The following PEX14 variants were observed in gnomAD, a reference collection of about 807,000 sequenced individuals.
PEX14 encodes the protein peroxisomal membrane protein PEX14.
In PEX14, 15 loss-of-function variants were observed where a neutral mutation model predicts 49.5. The observed-to-expected ratio is 0.30, with a 90% CI of 0.20 to 0.47. The LOEUF (loss-of-function observed/expected upper bound fraction) is 0.47. PEX14 is among the 20% of genes least tolerant of loss of function. The pLI, the probability that PEX14 is intolerant of heterozygous loss-of-function variation, is 1.00. For synonymous variants in PEX14, 210 were observed against 212.7 expected (o/e 0.99, Z 0.11); for missense variants, 398 against 494.8 (o/e 0.80, Z 1.86).
intron 4 of PEX14, among the ~76,000 whole-genome samples, chr1:10,601,533 C>T (rs1207072349): frequency 6.6e-6 from 1 of 152,148 alleles, no homozygotes; most frequent in African/African-American, 2.4e-5. Flanking sequence ...GAGATCTCCT[C>T]CTTTGGCTGT....
At chr1:10,566,582 G>T (rs903946598) in intron 3 of PEX14, among the ~76,000 whole-genome samples, 11 of 151,894 alleles carry the variant, frequency 7.2e-5, no homozygotes, top group African/African-American at 2.7e-4. Flanking sequence ...TCCGCCTCTT[G>T]AGTTCAAGGG....
rs1005659938 is a variant in PEX14 at position 10,512,497 on chromosome 1, A to G, written c.84+17176A>G. Among the ~76,000 whole-genome samples the G allele has an allele frequency of 2.6e-5, 4 of 152,218 alleles. No individual in the cohort carries two copies. Among genetic ancestry groups the G allele is most frequent in the Non-Finnish European group, 4.4e-5 (3 of 68,038 alleles). ...CCCTGATGTTCGCCTGCTTTGAAGC[A>G]TAGCAGAATCCCAGCATTAACTTCA... On this transcript the variant is annotated intron_variant, in intron 2 of 8. Transcript: ENST00000356607. The surrounding 1 kb of genome is among the most constrained non-coding windows in gnomAD (Gnocchi z 4.6).
intron 3 of PEX14, among the ~76,000 whole-genome samples, chr1:10,552,101 A>T (rs10864462): frequency 0.11 from 16,276 of 152,096 alleles, 950 homozygotes; most frequent in Non-Finnish European, 0.12. Context: ...TCAAAAAAAA[A>T]ATAAGTTATA....
At chr1:10,584,616 C>A (rs565942871) in intron 3 of PEX14, among the ~76,000 whole-genome samples, 1 of 152,216 alleles carries the variant, frequency 6.6e-6, no homozygotes, top group African/African-American at 2.4e-5. Flanking sequence ...ATTTAAAGAA[C>A]CTGGGTGAAA....
intron 3 of PEX14, among the ~76,000 whole-genome samples, chr1:10,576,659 T>C (rs1570293280): frequency 6.6e-6 from 1 of 152,144 alleles, no homozygotes; most frequent in Non-Finnish European, 1.5e-5. Flanking sequence ...TATTATAAAT[T>C]AAATTTTAAT....
At chr1:10,622,596 G>T (rs148640101) in intron 5 of PEX14, among the ~76,000 whole-genome samples, 2 of 152,294 alleles carry the variant, frequency 1.3e-5, no homozygotes, top group African/African-American at 4.8e-5. Flanking sequence ...AGAACATGCC[G>T]GGAAGAGCTG....
chr1:10,545,657 T>C (rs1385138956), intron 3 of PEX14, among the ~76,000 whole-genome samples: 1 of 152,266 alleles, frequency 6.6e-6, no homozygotes, highest in Non-Finnish European at 1.5e-5. Context: ...TGTGTGGTCC[T>C]GCATAAAATA....
At chr1:10,508,721 T>C (rs916728141) in intron 2 of PEX14, among the ~76,000 whole-genome samples, 2 of 152,206 alleles carry the variant, frequency 1.3e-5, no homozygotes, top group Admixed American at 6.5e-5. Context: ...GGGAAGCAAA[T>C]TGGCCGTGAC....
chr1:10,620,926 G>T (rs935643628), intron 5 of PEX14, among the ~76,000 whole-genome samples: 7 of 152,160 alleles, frequency 4.6e-5, no homozygotes, highest in Admixed American at 2.0e-4. Flanking sequence ...TGACACGAAC[G>T]CCAGAGTCCT....
chr1:10,524,062 G>T (rs1570204034), intron 2 of PEX14, among the ~76,000 whole-genome samples: 1 of 152,170 alleles, frequency 6.6e-6, no homozygotes, highest in African/African-American at 2.4e-5. Context: ...TCTGCCACTC[G>T]AGCGCTAATC....
intron 2 of PEX14, among the ~76,000 whole-genome samples, chr1:10,516,788 G>C (rs1173153022): frequency 6.6e-6 from 1 of 152,242 alleles, no homozygotes; most frequent in Non-Finnish European, 1.5e-5. Context: ...CTGGTCGTCA[G>C]GTATTGGTTT....
At position 10,597,430 on chromosome 1, in the gene PEX14, CA is replaced by C. The variant is rs1475835683; in HGVS notation, c.170-1807del. 6.6e-6 allele frequency among the ~76,000 whole-genome samples: 1 copy of C among 152,212 alleles called. No homozygotes were observed. The highest frequency in any genetic ancestry group is 2.4e-5 in the African/African-American group (1 of 41,452). ...ACTACACAGGCTGGAACCTGAGAGG[CA>C]CAAACTCAGGGCGGGGGTATTCTCT... On this transcript the variant is annotated intron_variant, in intron 3 of 8. Transcript: ENST00000356607. The surrounding 1 kb of genome is among the most constrained non-coding windows in gnomAD (Gnocchi z 5.7).
chr1:10,610,671 G>A (rs995748373), intron 4 of PEX14, among the ~76,000 whole-genome samples: 8 of 152,102 alleles, frequency 5.3e-5, no homozygotes, highest in African/African-American at 1.9e-4. Context: ...TTTCAGTAGA[G>A]ACGAGGTTTC....
intron 3 of PEX14, among the ~76,000 whole-genome samples, chr1:10,579,873 G>C (rs1640260899): frequency 6.6e-6 from 1 of 151,850 alleles, no homozygotes; most frequent in South Asian, 2.1e-4. Context: ...CCGACTTTCT[G>C]TCTCACCCTG....
chr1:10,596,700 T>C (rs921435133), intron 3 of PEX14, among the ~76,000 whole-genome samples: 2 of 152,164 alleles, frequency 1.3e-5, no homozygotes, highest in African/African-American at 4.8e-5. Flanking sequence ...ATCTGTTAAA[T>C]GAGGGCAGTG....
rs927508496 is a variant in PEX14, at chr1:10,597,722, G to C, written c.170-1516G>C. Among the ~76,000 whole-genome samples the C allele has an allele frequency of 1.3e-5, 2 of 152,202 alleles. No individual in the cohort carries two copies. The highest frequency in any genetic ancestry group is 2.9e-5 in the Non-Finnish European group (2 of 68,040). On this transcript the variant is annotated intron_variant, in intron 3 of 8. Transcript: ENST00000356607. The surrounding 1 kb of genome is among the most constrained non-coding windows in gnomAD (Gnocchi z 5.7). ...AGTGGTGAGGCTGTGCCTGCCCTTG[G>C]CCAGCTCCACTGTGTGAAGAGGGTA...
At position 10,577,419 on chromosome 1, in the gene PEX14, A is replaced by AAAAC. The variant is rs1640151318; in HGVS notation, c.170-21818_170-21815dup. On this transcript the variant is annotated intron_variant, in intron 3 of 8. Coordinates refer to ENST00000356607, the MANE Select transcript of PEX14 (RefSeq NM_004565.3). ...CTCAAAAAAAAAAAACCAAAAAAAA[A>AAAAC]AAACCAAAAAACAATTCTGAGAGTT... Among the ~76,000 whole-genome samples, 3 of 144,182 alleles carry AAAAC rather than the reference A, an allele frequency of 2.1e-5. 1 individual carries two copies. Among genetic ancestry groups the AAAAC allele is most frequent in the Admixed American group, 1.4e-4 (2 of 14,372 alleles). 94.6% of individuals were successfully genotyped at this position (144,182 alleles called of 152,430 possible). A position where few individuals can be genotyped will look rare whatever the true frequency, so the allele number is the denominator to read the frequency against.
At chr1:10,577,584 T>G (rs1272037736) in intron 3 of PEX14, among the ~76,000 whole-genome samples, 13 of 19,380 alleles carry the variant, frequency 6.7e-4, no homozygotes, top group African/African-American at 2.3e-3. Context: ...TTTTTTTTTT[T>G]TTTTTTTTTT....
chr1:10,579,569 A>C (rs1640249576), intron 3 of PEX14, among the ~76,000 whole-genome samples: 1 of 152,144 alleles, frequency 6.6e-6, no homozygotes, highest in African/African-American at 2.4e-5. Context: ...GAATAAAAGA[A>C]TGGCTACTCC....
Sources: allele counts gnomAD v4.1 joint callset (sites outside exome capture counted in the v4.1 genomes callset), GRCh38; gene constraint gnomAD v4.1.1; non-coding constraint Gnocchi (gnomAD v3.1); transcripts MANE v1.5; gene names NCBI Gene and HGNC (gene_info 2026-07-23, HGNC 2026-07-21).